The following IQCH variants were observed in gnomAD, a reference collection of about 807,000 sequenced individuals.
The protein encoded by IQCH is IQ domain-containing protein H.
In IQCH, 98 loss-of-function variants were observed where a neutral mutation model predicts 117.0. That is an observed-to-expected ratio of 0.84 (90% CI 0.71 to 0.99). IQCH has a LOEUF of 0.99. Among genes scored for constraint, IQCH ranks in the 50% least tolerant of loss-of-function variants. The pLI, the probability that IQCH is intolerant of heterozygous loss-of-function variation, is 0.00. For synonymous variants in IQCH, 412 were observed against 448.2 expected (o/e 0.92, Z 1.02); for missense variants, 1,102 against 1,243.8 (o/e 0.89, Z 1.72).
intron 16 of IQCH, among the ~76,000 whole-genome samples, chr15:67,452,775 T>C (rs1230075485): frequency 1.3e-5 from 2 of 152,270 alleles, no homozygotes; most frequent in African/African-American, 2.4e-5. Flanking sequence ...TTGGCCTGCC[T>C]TGCTAGATTG....
intron 4 of IQCH, among the ~76,000 whole-genome samples, chr15:67,323,635 T>C (rs575343322): frequency 6.6e-6 from 1 of 152,290 alleles, no homozygotes; most frequent in East Asian, 1.9e-4. Flanking sequence ...TAGTGGTTGC[T>C]CTAGGAATTA....
intron 3 of IQCH, among the ~76,000 whole-genome samples, chr15:67,264,484 G>A (rs1211071747): frequency 1.3e-5 from 2 of 152,186 alleles, no homozygotes; most frequent in Non-Finnish European, 2.9e-5. Context: ...CTGCTTCCAA[G>A]CTCACTCATA....
rs2141045240 is a variant in IQCH at position 67,474,796 on chromosome 15, A to C, written c.2677-900A>C. Among the ~76,000 whole-genome samples, 1 of 152,352 alleles carries C rather than the reference A, an allele frequency of 6.6e-6. No individual in the cohort carries two copies. The highest frequency in any genetic ancestry group is 2.4e-5 in the African/African-American group (1 of 41,584). ...CTGTAAAGTTTTTTCACAAGCTTCAAAAGCCACTGTAGCCAGGTGATAAAG... is the reference window on the plus strand; with the variant it reads ...CTGTAAAGTTTTTTCACAAGCTTCACAAGCCACTGTAGCCAGGTGATAAAG... On this transcript the variant is annotated intron_variant, in intron 17 of 20. Coordinates refer to ENST00000335894, the MANE Select transcript of IQCH (RefSeq NM_001031715.3). This position sits in a 1 kb window ranked among gnomAD's most constrained non-coding sequence, Gnocchi z 4.1.
intron 4 of IQCH, among the ~76,000 whole-genome samples, chr15:67,301,519 C>T (rs568462385): frequency 1.4e-5 from 2 of 142,974 alleles, no homozygotes; most frequent in African/African-American, 5.1e-5. Flanking sequence ...AAGCAATTCT[C>T]ATGCCTCAGC....
At position 67,447,014 on chromosome 15, in the gene IQCH, G is replaced by A. The variant is rs1347650895; in HGVS notation, c.2506-18113G>A. On this transcript the variant is annotated intron_variant, in intron 16 of 20. Coordinates refer to ENST00000335894, the MANE Select transcript of IQCH (RefSeq NM_001031715.3). The surrounding 1 kb of genome is among the most constrained non-coding windows in gnomAD (Gnocchi z 5.3). ...GCATTTGTTTCCCTCGCCAGGCTGA[G>A]AGCAATCAACAGGGTCAAGCACAGT... 6.6e-6 allele frequency among the ~76,000 whole-genome samples: 1 copy of A among 152,192 alleles called. No homozygotes were observed. The highest frequency in any genetic ancestry group is 2.4e-5 in the African/African-American group (1 of 41,450).
chr15:67,283,624 A>G (rs1014381078), intron 4 of IQCH, among the ~76,000 whole-genome samples: 2 of 152,054 alleles, frequency 1.3e-5, no homozygotes, highest in African/African-American at 2.4e-5. Context: ...AGTGGGAAAT[A>G]TCTTTGATAG....
At chr15:67,354,267 A>G (rs1339109305) in intron 6 of IQCH, among the ~76,000 whole-genome samples, 1 of 152,204 alleles carries the variant, frequency 6.6e-6, no homozygotes, top group Non-Finnish European at 1.5e-5. Context: ...TCAAGGAAAA[A>G]TGTAAGGAAA....
intron 1 of IQCH, among the ~76,000 whole-genome samples, chr15:67,259,412 G>T (rs1965366313): frequency 6.6e-6 from 1 of 152,142 alleles, no homozygotes; most frequent in Non-Finnish European, 1.5e-5. Flanking sequence ...CCTGGACAAA[G>T]AAATTAGAAA....
chr15:67,261,501 A>T lies in IQCH; in HGVS notation c.174+107A>T, dbSNP rs1965461131. The T allele has an allele frequency of 4.5e-6, 4 of 881,892 alleles. No homozygotes were observed. In the South Asian group the frequency reaches 6.9e-5, roughly 15 times the overall value. The allele number at this position is 881,892 out of a possible 1,614,324, so 54.6% of individuals were successfully genotyped here. ...CCTGCATAATTCTGTAACAAAGCTG[A>T]ATTTAGGGCAGTCGTCAGCATTCTT... is the stretch of plus-strand genomic sequence containing the variant. On this transcript the variant is annotated intron_variant, in intron 2 of 20. Transcript: ENST00000335894.
rs533818135 is a variant in IQCH, at chr15:67,466,255, G to C, written c.2676+958G>C. ...GTGCTTGATTGAGTAGGCTAGGTTG[G>C]TCATGGAGAGAGAGAACAAAGGCCA... On this transcript the variant is annotated intron_variant, in intron 17 of 20. Coordinates refer to ENST00000335894, the MANE Select transcript of IQCH (RefSeq NM_001031715.3). The surrounding 1 kb of genome is among the most constrained non-coding windows in gnomAD (Gnocchi z 4.4). 1.9e-4 allele frequency among the ~76,000 whole-genome samples: 29 copies of C among 152,308 alleles called. No individual in the cohort carries two copies. Among genetic ancestry groups the C allele is most frequent in the Middle Eastern group, 6.8e-3 (2 of 294 alleles).
At chr15:67,367,277 T>C (rs1970366537) in intron 8 of IQCH, among the ~76,000 whole-genome samples, 1 of 152,170 alleles carries the variant, frequency 6.6e-6, no homozygotes, top group Admixed American at 6.5e-5. Flanking sequence ...GGGTCATGCC[T>C]GTAACCCCAA....
intron 10 of IQCH, among the ~76,000 whole-genome samples, chr15:67,374,880 A>G (rs1970684571): frequency 6.6e-6 from 1 of 152,182 alleles, no homozygotes; most frequent in Non-Finnish European, 1.5e-5. Context: ...TTCTGCAACT[A>G]ATTGTGGACC....
intron 4 of IQCH, among the ~76,000 whole-genome samples, chr15:67,298,049 C>T (rs147645845): frequency 1.2e-3 from 178 of 152,222 alleles, no homozygotes; most frequent in African/African-American, 4.2e-3. Context: ...TGGCTCACAC[C>T]TGTTATCCCA....
At chr15:67,371,374 C>T in intron 8 of IQCH, 5 of 752,288 alleles carry the variant, frequency 6.6e-6, no homozygotes, top group Non-Finnish European at 9.6e-6. Context: ...CTTAAAATGT[C>T]AATACAGGTG....
At chr15:67,368,243 G>T (rs1255298133) in intron 8 of IQCH, among the ~76,000 whole-genome samples, 3 of 152,210 alleles carry the variant, frequency 2.0e-5, no homozygotes, top group Non-Finnish European at 4.4e-5. Flanking sequence ...CAAGGGCAGT[G>T]ACCTTCAAGT....
intron 4 of IQCH, among the ~76,000 whole-genome samples, chr15:67,335,057 ACACACACACACGTG>A (rs1295578921): frequency 1.3e-5 from 2 of 151,576 alleles, no homozygotes; most frequent in African/African-American, 4.8e-5. Flanking sequence ...CAACACATAC[ACACACACACACGTG>A]CACACACACA....
intron 4 of IQCH, among the ~76,000 whole-genome samples, chr15:67,319,037 C>T (rs1245833909): frequency 2.0e-5 from 3 of 152,228 alleles, no homozygotes; most frequent in East Asian, 1.9e-4. Context: ...ACCATCCTGG[C>T]GAACATGGTG....
chr15:67,282,316 G>A (rs1437668613), intron 4 of IQCH: 1 of 151,522 alleles, frequency 6.6e-6, no homozygotes, highest in African/African-American at 2.4e-5. Context: ...TATGAAATTA[G>A]GCTATTTTAG....
At chr15:67,258,467 G>T in intron 1 of IQCH, among the ~76,000 whole-genome samples, 1 of 150,480 alleles carries the variant, frequency 6.6e-6, no homozygotes, top group East Asian at 1.9e-4. Flanking sequence ...GGAGGTGGAG[G>T]TTGCAGTGAG....
Sources: gnomAD v4.1 joint callset for allele counts (sites outside exome capture counted in the v4.1 genomes callset) on GRCh38, gnomAD v4.1.1 for gene constraint, Gnocchi (gnomAD v3.1) non-coding constraint, MANE v1.5 for transcripts, NCBI Gene and HGNC (gene_info 2026-07-23, HGNC 2026-07-21) for gene names.